Variants in NDUFS4 observed in about 807,000 individuals in gnomAD.
NDUFS4 encodes the protein NADH:ubiquinone oxidoreductase subunit S4, also known as NADH dehydrogenase [ubiquinone] iron-sulfur protein 4, mitochondrial.
Under a neutral mutation model 24.3 loss-of-function variants are expected in NDUFS4, and 28 were observed. That is an observed-to-expected ratio of 1.15 (90% CI 0.85 to 1.58). The LOEUF is 1.58. Among genes scored for constraint, NDUFS4 ranks in the 40% most tolerant of loss-of-function variants. The pLI is 0.00. For missense variants in NDUFS4, 223 were observed against 207.9 expected, an observed-to-expected ratio of 1.07 and a Z score of -0.45; for synonymous variants, 93 against 69.7, an observed-to-expected ratio of 1.34 and a Z score of -1.67.
In NDUFS4 at chr5:53,579,332, A is replaced by G. The variant is rs550352179; in HGVS notation, c.98+18572A>G. 9.2e-5 allele frequency among the ~76,000 whole-genome samples: 14 copies of G among 152,344 alleles called. No individual in the cohort carries two copies. In the South Asian group the frequency reaches 2.9e-3, roughly 32 times the overall value. ...TATCATATATATGTTAGGAACCATA[A>G]TAGCCAAATGAATTCTTGTGAACCC... is the stretch of plus-strand genomic sequence containing the variant. On this transcript the variant is annotated intron_variant, in intron 1 of 4. Coordinates refer to ENST00000296684, the MANE Select transcript of NDUFS4 (RefSeq NM_002495.4).
intron 2 of NDUFS4, among the ~76,000 whole-genome samples, chr5:53,609,826 A>G (rs1750643012): frequency 6.6e-6 from 1 of 152,010 alleles, no homozygotes; most frequent in South Asian, 2.1e-4. Flanking sequence ...CTTAGACCTC[A>G]TGAGCCAACC....
At chr5:53,576,654 CT>C (rs1749395699) in intron 1 of NDUFS4, among the ~76,000 whole-genome samples, 1 of 152,138 alleles carries the variant, frequency 6.6e-6, no homozygotes, top group African/African-American at 2.4e-5. Context: ...GTTTGTAATT[CT>C]TCTTATACTG....
chr5:53,673,371 G>T (rs1740346943), intron 4 of NDUFS4, among the ~76,000 whole-genome samples: 1 of 152,030 alleles, frequency 6.6e-6, no homozygotes, highest in Non-Finnish European at 1.5e-5. Flanking sequence ...GATAATTCTA[G>T]GTGCAATGAT....
chr5:53,661,473 T>C (rs903407486), intron 4 of NDUFS4, among the ~76,000 whole-genome samples: 11 of 152,198 alleles, frequency 7.2e-5, no homozygotes, highest in Admixed American at 7.2e-4. Flanking sequence ...AGGATTGACT[T>C]GGCAATGCGG....
At chr5:53,644,672 C>T (rs1209482737) in intron 2 of NDUFS4, among the ~76,000 whole-genome samples, 5 of 152,016 alleles carry the variant, frequency 3.3e-5, no homozygotes, top group African/African-American at 1.2e-4. Context: ...GCCAGCTTCA[C>T]TCATTTTTAC....
At chr5:53,629,812 A>C (rs899812814) in intron 2 of NDUFS4, among the ~76,000 whole-genome samples, 6 of 152,108 alleles carry the variant, frequency 3.9e-5, no homozygotes, top group African/African-American at 1.4e-4. Flanking sequence ...CAGCACACAA[A>C]TGGGTCTTGA....
intron 1 of NDUFS4, among the ~76,000 whole-genome samples, chr5:53,569,458 C>G (rs1407878458): frequency 6.6e-6 from 1 of 152,072 alleles, no homozygotes; most frequent in African/African-American, 2.4e-5. Context: ...TAGGTTAACT[C>G]TGGAGTTATA....
chr5:53,665,655 G>A (rs931587779), intron 4 of NDUFS4, among the ~76,000 whole-genome samples: 1 of 152,190 alleles, frequency 6.6e-6, no homozygotes, highest in Non-Finnish European at 1.5e-5. Context: ...CTGGTGTGCC[G>A]TTTGCTAAGA....
At chr5:53,605,170 G>A (rs931945094) in intron 2 of NDUFS4, among the ~76,000 whole-genome samples, 15 of 152,070 alleles carry the variant, frequency 9.9e-5, no homozygotes, top group Admixed American at 5.9e-4. Flanking sequence ...GCAGGGAGCC[G>A]AGATCGCACC....
chr5:53,606,036 T>C (rs1444170464), intron 2 of NDUFS4, among the ~76,000 whole-genome samples: 2 of 132,132 alleles, frequency 1.5e-5, no homozygotes, highest in Non-Finnish European at 3.2e-5. Context: ...AAAAAAAAAT[T>C]AGCCGGGCAT....
intron 4 of NDUFS4, among the ~76,000 whole-genome samples, chr5:53,672,021 A>ACC (rs1740277130): frequency 6.6e-6 from 1 of 151,446 alleles, no homozygotes; most frequent in Non-Finnish European, 1.5e-5. Flanking sequence ...GGGGTGGAAA[A>ACC]CCCGCCTCTG....
intron 1 of NDUFS4, among the ~76,000 whole-genome samples, chr5:53,590,427 G>T (rs989543273): frequency 6.6e-6 from 1 of 152,152 alleles, no homozygotes. Context: ...TTAATAATTG[G>T]TAGGACATAT....
intron 3 of NDUFS4, among the ~76,000 whole-genome samples, chr5:53,652,608 A>C (rs1052183437): frequency 6.6e-6 from 1 of 152,278 alleles, no homozygotes; most frequent in African/African-American, 2.4e-5. Context: ...GTTCACATGT[A>C]GGATTTTAAG....
chr5:53,644,640 T>TA (rs1579912585), intron 2 of NDUFS4, among the ~76,000 whole-genome samples: 2 of 152,208 alleles, frequency 1.3e-5, no homozygotes, highest in East Asian at 3.9e-4. Context: ...ATTAAAGTAT[T>TA]TCACACCTTT....
At chr5:53,674,577 T>C (rs1269971320) in intron 4 of NDUFS4, among the ~76,000 whole-genome samples, 1 of 152,176 alleles carries the variant, frequency 6.6e-6, no homozygotes, top group Non-Finnish European at 1.5e-5. Context: ...TCATTATTCC[T>C]TTTCCACTCC....
At position 53,683,111 on chromosome 5, in the gene NDUFS4, C is replaced by T. The variant is rs765469183; in HGVS notation, c.425-7C>T. 2 of 1,566,716 alleles carry T rather than the reference C, an allele frequency of 1.3e-6. No individual in the cohort carries two copies. The highest frequency in any genetic ancestry group is 1.8e-6 in the Non-Finnish European group (2 of 1,137,414). ...TCTGTGGATTTGTCTTTGTTTTTTC[C>T]TCCTAGGATGGAGCTATGACATTGA... is the stretch of plus-strand genomic sequence containing the variant. On this transcript the variant is annotated splice_polypyrimidine_tract_variant and splice_region_variant and intron_variant, in intron 4 of 4. Coordinates refer to ENST00000296684, the MANE Select transcript of NDUFS4 (RefSeq NM_002495.4).
intron 2 of NDUFS4, among the ~76,000 whole-genome samples, chr5:53,619,208 C>T (rs1188297221): frequency 6.7e-6 from 1 of 148,782 alleles, no homozygotes; most frequent in Non-Finnish European, 1.5e-5. Flanking sequence ...CGGTGGCTCA[C>T]ACCTGTAATC....
chr5:53,568,686 C>T (rs181764578), intron 1 of NDUFS4, among the ~76,000 whole-genome samples: 4 of 152,246 alleles, frequency 2.6e-5, no homozygotes, highest in Admixed American at 2.0e-4. Flanking sequence ...CTGTTGAACT[C>T]TGCCCTTCAA....
At chr5:53,593,872 T>C (rs2112445239) in intron 1 of NDUFS4, among the ~76,000 whole-genome samples, 1 of 152,250 alleles carries the variant, frequency 6.6e-6, no homozygotes, top group African/African-American at 2.4e-5. Flanking sequence ...CTGTTACTGA[T>C]TTCTAGTTTA....
Sources: gnomAD v4.1 joint callset for allele counts (sites outside exome capture counted in the v4.1 genomes callset) on GRCh38, gnomAD v4.1.1 for gene constraint, MANE v1.5 for transcripts, NCBI Gene and HGNC (gene_info 2026-07-23, HGNC 2026-07-21) for gene names.